The following ARHGAP32 variants were observed in gnomAD, a reference collection of about 807,000 sequenced individuals.
ARHGAP32 encodes rho GTPase-activating protein 32.
A neutral mutation model predicts 186.5 loss-of-function variants in ARHGAP32; 51 were observed. The observed-to-expected ratio is 0.27, with a 90% CI of 0.22 to 0.35. The LOEUF (loss-of-function observed/expected upper bound fraction) is 0.35, where lower values mean the gene tolerates loss of function less well. ARHGAP32 is among the 10% of genes least tolerant of loss of function. The pLI is 1.00. For synonymous variants in ARHGAP32, 950 were observed against 964.3 expected, an observed-to-expected ratio of 0.99 and a Z score of 0.27; for missense variants, 2,186 against 2,623.5, an observed-to-expected ratio of 0.83 and a Z score of 3.64.
chr11:129,054,433 C>A (rs1940171745), intron 10 of ARHGAP32, among the ~76,000 whole-genome samples: 1 of 152,190 alleles, frequency 6.6e-6, no homozygotes, highest in Non-Finnish European at 1.5e-5. Flanking sequence ...ATTCAGACTC[C>A]TGACCCCATC....
intron 1 of ARHGAP32, among the ~76,000 whole-genome samples, chr11:129,229,871 A>G (rs776970178): frequency 1.3e-5 from 2 of 152,066 alleles, no homozygotes; most frequent in Non-Finnish European, 2.9e-5. Flanking sequence ...AAGCTGCAGT[A>G]GAGTGGCGCG....
chr11:129,058,816 T>C (rs1565400962), intron 10 of ARHGAP32, among the ~76,000 whole-genome samples: 1 of 152,364 alleles, frequency 6.6e-6, no homozygotes. Flanking sequence ...TGTGGAAAGA[T>C]GTCTGATGTA....
rs372911477 is a variant in ARHGAP32 at position 129,199,901 on chromosome 11, AG to A, written c.-4-35475del. 4.4e-3 allele frequency among the ~76,000 whole-genome samples: 677 copies of A among 152,330 alleles called. 8 individuals are homozygous for A. The highest frequency in any genetic ancestry group is 0.016 in the African/African-American group (650 of 41,568). On this transcript the variant is annotated intron_variant, in intron 1 of 6. Coordinates refer to the ARHGAP32 transcript ENST00000525234. ...GGGAGGTTGTACCCTGCAAAGCTAA[AG>A]GGGCAGAGCTGCCCAAGACCATGGG...
chr11:129,189,901 C>A (rs1944239728), intron 1 of ARHGAP32, among the ~76,000 whole-genome samples: 1 of 152,270 alleles, frequency 6.6e-6, no homozygotes, highest in Admixed American at 6.5e-5. Context: ...ACTCTCTTAG[C>A]CATGGTGCCT....
Position 128,969,030 on chromosome 11 carries a change from C to A in ARHGAP32, c.6183G>T (p.Thr2061=), listed in dbSNP as rs748750310. Residue 2061 remains threonine, a synonymous_variant, in exon 23 of 23, where the codon ACG becomes ACT. Transcript: ENST00000682385. This position sits in a 1 kb window ranked among gnomAD's most constrained non-coding sequence, Gnocchi z 4.8. ...RGVFGGGGMG[T]YVPPGFPHPQ... ...GATGGGGAAAGCCAGGGGGCACATA[C>A]GTCCCCATGCCGCCCCCTCCAAAGA... 5 of 1,611,930 alleles carry A rather than the reference C, an allele frequency of 3.1e-6. No individual in the cohort carries two copies. The South Asian group carries it at 4.4e-5, about 14-fold the overall frequency.
Position 128,972,968 on chromosome 11 carries a change from T to C in ARHGAP32, c.3538A>G (p.Ile1180Val), listed in dbSNP as rs775061394. The change falls in exon 22 of 23, where the codon ATT (isoleucine) becomes GTT (valine). Residue 1180 changes from isoleucine (I) to valine (V), a missense_variant. Coordinates refer to ENST00000682385, the MANE Select transcript of ARHGAP32 (RefSeq NM_001378024.1). ...TCTGAGTCTAAGGGAACTGAAGTAA[T>C]TCTGGCCTTTTCTGGGTCCCCAGAT... ...YLSGDPEKAR[I>V]TSVPLDSEKS... The C allele has an allele frequency of 6.2e-7, 1 of 1,614,032 alleles. No individual in the cohort carries two copies. The highest frequency in any genetic ancestry group is 1.1e-5 in the South Asian group (1 of 91,078).
chr11:128,979,529 T>A (rs766069214), intron 18 of ARHGAP32, among the ~76,000 whole-genome samples: 3 of 152,178 alleles, frequency 2.0e-5, no homozygotes, highest in Non-Finnish European at 4.4e-5. Context: ...CCAATCTACA[T>A]CCCAGTATCT....
rs56657041 is a variant in ARHGAP32, at chr11:129,031,854, G to A, written c.1045+9074C>T. Among the ~76,000 whole-genome samples the A allele has an allele frequency of 1.6e-3, 251 of 152,244 alleles. 3 individuals are homozygous for A. The highest frequency in any genetic ancestry group is 5.4e-3 in the African/African-American group (225 of 41,546). On this transcript the variant is annotated intron_variant, in intron 11 of 22. Coordinates refer to ENST00000682385, the MANE Select transcript of ARHGAP32 (RefSeq NM_001378024.1). Reference sequence around the variant, plus strand: ...GCCCTGCCAGCAGAGCAGTAGAGCCGTAGAGCAGCAGAGAATAAGAGAAGC... The same window carrying A: ...GCCCTGCCAGCAGAGCAGTAGAGCCATAGAGCAGCAGAGAATAAGAGAAGC...
intron 1 of ARHGAP32, among the ~76,000 whole-genome samples, chr11:129,199,761 G>A (rs1178162942): frequency 6.6e-6 from 1 of 152,188 alleles, no homozygotes; most frequent in African/African-American, 2.4e-5. Flanking sequence ...TAGTGGAGCT[G>A]TGAGAAGAGG....
intron 11 of ARHGAP32, among the ~76,000 whole-genome samples, chr11:129,009,257 T>TC (rs756604645): frequency 8.5e-5 from 13 of 152,326 alleles, no homozygotes; most frequent in Middle Eastern, 3.4e-3. Flanking sequence ...AATTTTTTTT[T>TC]CTGCTTTAGT....
intron 21 of ARHGAP32, 177 bp from the exon 22 acceptor site, chr11:128,973,609 A>G: frequency 1.5e-6 from 1 of 658,044 alleles, no homozygotes; most frequent in Non-Finnish European, 2.6e-6. Context: ...TCTGGTTCAG[A>G]AGGAAAACTA....
intron 10 of ARHGAP32, among the ~76,000 whole-genome samples, chr11:129,045,904 G>C (rs573476899): frequency 1.3e-5 from 2 of 152,252 alleles, no homozygotes; most frequent in African/African-American, 4.8e-5. Flanking sequence ...AGAAGGAAAA[G>C]AACAATGTAG....
intron 10 of ARHGAP32, among the ~76,000 whole-genome samples, chr11:129,049,077 A>G (rs527872075): frequency 6.6e-6 from 1 of 152,290 alleles, no homozygotes; most frequent in South Asian, 2.1e-4. Flanking sequence ...GTAGGAAATA[A>G]AAGTGACACA....
intron 11 of ARHGAP32, among the ~76,000 whole-genome samples, chr11:129,000,986 C>T (rs1197599437): frequency 1.3e-5 from 2 of 152,122 alleles, no homozygotes; most frequent in Admixed American, 6.5e-5. Context: ...CTGAATACTA[C>T]CCCATTGTGT....
At chr11:128,984,088 G>C (rs1424037176) in intron 15 of ARHGAP32, among the ~76,000 whole-genome samples, 1 of 151,998 alleles carries the variant, frequency 6.6e-6, no homozygotes, top group African/African-American at 2.4e-5. Context: ...AATTGGAAAA[G>C]GAAGGCCGGG....
rs149163230 is a variant in ARHGAP32, at chr11:129,042,671, G to A, written c.964-1662C>T. ...AAAGCGATTATAAAAGTCTCAGGTC[G>A]TAAATTAAACAAATGTATACAAAAA... On this transcript the variant is annotated intron_variant, in intron 10 of 22. Coordinates refer to ENST00000682385, the MANE Select transcript of ARHGAP32 (RefSeq NM_001378024.1). 2.5e-3 allele frequency among the ~76,000 whole-genome samples: 379 copies of A among 152,224 alleles called. 3 individuals are homozygous for A. The highest frequency in any genetic ancestry group is 8.1e-3 in the African/African-American group (337 of 41,528).
intron 1 of ARHGAP32, among the ~76,000 whole-genome samples, chr11:129,258,654 G>T (rs937610528): frequency 1.3e-5 from 2 of 152,140 alleles, no homozygotes; most frequent in African/African-American, 4.8e-5. Context: ...TGCACAAAAA[G>T]AGCTTAAAGA....
chr11:129,220,019 A>G (rs1385479905), intron 1 of ARHGAP32, among the ~76,000 whole-genome samples: 1 of 152,188 alleles, frequency 6.6e-6, no homozygotes, highest in African/African-American at 2.4e-5. Flanking sequence ...AAAAAGTGAG[A>G]AGAAATTCTA....
intron 11 of ARHGAP32, among the ~76,000 whole-genome samples, chr11:129,007,216 T>C (rs891311941): frequency 1.3e-5 from 2 of 151,996 alleles, no homozygotes; most frequent in African/African-American, 4.8e-5. Context: ...CATGGTGCCC[T>C]ATCCCACTGT....
Sources: gnomAD v4.1 joint callset for allele counts (sites outside exome capture counted in the v4.1 genomes callset) on GRCh38, gnomAD v4.1.1 for gene constraint, Gnocchi (gnomAD v3.1) non-coding constraint, MANE v1.5 for transcripts, NCBI Gene and HGNC (gene_info 2026-07-23, HGNC 2026-07-21) for gene names.